The following VPS35L variants were observed in gnomAD, a reference collection of about 807,000 sequenced individuals.
VPS35L encodes the protein VPS35 endosomal protein-sorting factor-like.
In VPS35L, 83 loss-of-function variants were observed where a neutral mutation model predicts 133.0. That is an observed-to-expected ratio of 0.62 (90% confidence interval 0.52 to 0.75). The LOEUF (loss-of-function observed/expected upper bound fraction) is 0.75, where lower values mean the gene tolerates loss of function less well. VPS35L is among the 30% of genes least tolerant of loss of function. The probability of loss-of-function intolerance (pLI) is 0.00; values close to 1 mark genes in which losing one functional copy is unlikely to be tolerated. For missense variants in VPS35L, 1,083 were observed against 1,206.8 expected (o/e 0.90, Z 1.52); for synonymous variants, 423 against 449.9 (o/e 0.94, Z 0.76).
chr16:19,633,219 C>G lies in VPS35L; in HGVS notation c.1635+47C>G, dbSNP rs1326013098. 3 of 1,563,282 alleles carry G rather than the reference C, an allele frequency of 1.9e-6. No individual in the cohort carries two copies. The South Asian group carries it at 3.3e-5, about 17-fold the overall frequency. On this transcript the variant is annotated intron_variant, in intron 19 of 30. Coordinates refer to ENST00000417362, the MANE Select transcript of VPS35L (RefSeq NM_020314.7). This position sits in a 1 kb window ranked among gnomAD's most constrained non-coding sequence, Gnocchi z 4.1. ...TTTCAACATTGTTAGGAATTTTGTT[C>G]TGTTGAATTAAATAGGCGTGTTGTA...
chr16:19,638,713 A>C (rs1279612272), intron 20 of VPS35L, among the ~76,000 whole-genome samples: 3 of 152,214 alleles, frequency 2.0e-5, no homozygotes, highest in Non-Finnish European at 2.9e-5. Flanking sequence ...TAGCATCTAC[A>C]ATGTGGAGAC....
chr16:19,593,524 T>A (rs528964818), intron 8 of VPS35L, among the ~76,000 whole-genome samples: 34 of 152,240 alleles, frequency 2.2e-4, no homozygotes, highest in African/African-American at 7.2e-4. Flanking sequence ...TAACTAACCT[T>A]GAAAAAGTGG....
chr16:19,602,673 G>T (rs1972422002), intron 9 of VPS35L, among the ~76,000 whole-genome samples: 1 of 152,006 alleles, frequency 6.6e-6, no homozygotes, highest in Non-Finnish European at 1.5e-5. Flanking sequence ...CACAATCTTG[G>T]CTCGCTGCAG....
chr16:19,567,893 C>T (rs966442157), intron 2 of VPS35L, among the ~76,000 whole-genome samples: 1 of 151,820 alleles, frequency 6.6e-6, no homozygotes, highest in Non-Finnish European at 1.5e-5. Flanking sequence ...TTGCTTGTGC[C>T]CAGGATGTCG....
chr16:19,671,450 C>A (rs2151607263), intron 27 of VPS35L, among the ~76,000 whole-genome samples: 1 of 142,556 alleles, frequency 7.0e-6, no homozygotes, highest in Admixed American at 7.3e-5. Context: ...GCCTGGACAA[C>A]AGAGCAAGAC....
chr16:19,642,365 A>G, intron 21 of VPS35L, 31 bp from the exon 22 acceptor site: 2 of 1,596,940 alleles, frequency 1.3e-6, no homozygotes, highest in Non-Finnish European at 1.7e-6. Context: ...AGTGGACAAA[A>G]CTTTGACTTT....
intron 28 of VPS35L, among the ~76,000 whole-genome samples, chr16:19,688,568 G>A (rs933140489): frequency 7.9e-5 from 12 of 152,158 alleles, no homozygotes; most frequent in South Asian, 2.1e-4. Flanking sequence ...TTGCAGGCCC[G>A]TGCCAGGTGA....
At chr16:19,667,216 C>A (rs1405537755) in intron 26 of VPS35L, among the ~76,000 whole-genome samples, 1 of 151,942 alleles carries the variant, frequency 6.6e-6, no homozygotes, top group Non-Finnish European at 1.5e-5. Context: ...GACCCACTGG[C>A]CTCCCAAAGT....
At chr16:19,576,934 T>A (rs1971559653) in intron 5 of VPS35L, among the ~76,000 whole-genome samples, 1 of 152,154 alleles carries the variant, frequency 6.6e-6, no homozygotes, top group Non-Finnish European at 1.5e-5. Context: ...CTCAAACTCT[T>A]GACCTCAAGT....
At chr16:19,608,036 A>G (rs1404367028) in intron 9 of VPS35L, 142 bp from the exon 10 acceptor site, 13 of 641,048 alleles carry the variant, frequency 2.0e-5, no homozygotes, top group Non-Finnish European at 3.6e-5. Context: ...ATCATCAGTT[A>G]CTTCCTAATA....
At chr16:19,665,574 T>A (rs1411903333) in intron 26 of VPS35L, among the ~76,000 whole-genome samples, 1 of 152,250 alleles carries the variant, frequency 6.6e-6, no homozygotes, top group Non-Finnish European at 1.5e-5. Flanking sequence ...TTTATCCGTT[T>A]GTCTGTTGAC....
chr16:19,614,756 A>G (rs1972832438), intron 12 of VPS35L, among the ~76,000 whole-genome samples: 1 of 152,178 alleles, frequency 6.6e-6, no homozygotes, highest in East Asian at 1.9e-4. Context: ...GAAACGAAGC[A>G]TTTCTGAGGA....
At chr16:19,684,320 T>C (rs1351843813) in intron 28 of VPS35L, among the ~76,000 whole-genome samples, 3 of 152,196 alleles carry the variant, frequency 2.0e-5, no homozygotes, top group Non-Finnish European at 4.4e-5. Flanking sequence ...TTGGTCTTAA[T>C]GTCAAAAGTG....
chr16:19,605,402 C>A (rs987618983), intron 9 of VPS35L, among the ~76,000 whole-genome samples: 2 of 152,208 alleles, frequency 1.3e-5, no homozygotes, highest in African/African-American at 4.8e-5. Flanking sequence ...TGTGTCATGT[C>A]ATTGCCATTC....
At chr16:19,595,298 A>T (rs867005723) in intron 8 of VPS35L, among the ~76,000 whole-genome samples, 3 of 152,108 alleles carry the variant, frequency 2.0e-5, no homozygotes, top group Non-Finnish European at 4.4e-5. Flanking sequence ...GGTGAGAGGC[A>T]GGGGTGGCTT....
chr16:19,700,559 T>A lies in VPS35L; in HGVS notation c.*83T>A. 2 of 1,163,398 alleles carry A rather than the reference T, an allele frequency of 1.7e-6. No homozygotes were observed. Among genetic ancestry groups the A allele is most frequent in the Non-Finnish European group, 2.5e-6 (2 of 793,648 alleles). 72.1% of individuals were successfully genotyped at this position (1,163,398 alleles called of 1,614,324 possible). A position where few individuals can be genotyped will look rare whatever the true frequency, so the allele number is the denominator to read the frequency against. On this transcript the variant is annotated 3_prime_UTR_variant, in exon 31 of 31. Transcript: ENST00000417362. ...CTGCTGCCCTGAACTCTTACGGCAA[T>A]TTAGGTTTCTCATTTTTCTTTTCTT... is the stretch of plus-strand genomic sequence containing the variant.
chr16:19,606,550 A>G (rs531212325), intron 9 of VPS35L, among the ~76,000 whole-genome samples: 2 of 150,556 alleles, frequency 1.3e-5, no homozygotes, highest in East Asian at 1.9e-4. Flanking sequence ...CAATTTCAAA[A>G]TATCTGCAGT....
intron 22 of VPS35L, among the ~76,000 whole-genome samples, chr16:19,643,821 C>T (rs1973858863): frequency 6.6e-6 from 1 of 151,840 alleles, no homozygotes; most frequent in Admixed American, 6.6e-5. Context: ...AGCTGGGCGC[C>T]TTGGAACGTG....
chr16:19,696,329 G>A (rs1049672062), intron 29 of VPS35L, among the ~76,000 whole-genome samples: 1 of 152,184 alleles, frequency 6.6e-6, no homozygotes, highest in Non-Finnish European at 1.5e-5. Context: ...CCCACTGAGT[G>A]GGGTGGGCGG....
Sources: gnomAD v4.1 joint callset for allele counts (sites outside exome capture counted in the v4.1 genomes callset) on GRCh38, gnomAD v4.1.1 for gene constraint, Gnocchi (gnomAD v3.1) non-coding constraint, MANE v1.5 for transcripts, NCBI Gene and HGNC (gene_info 2026-07-23, HGNC 2026-07-21) for gene names.